Variants in LRRC7 observed in about 807,000 individuals in gnomAD.
LRRC7 encodes the protein leucine-rich repeat-containing protein 7.
A neutral mutation model predicts 175.7 loss-of-function variants in LRRC7; 23 were observed. The observed-to-expected ratio is 0.13, with a 90% CI of 0.09 to 0.19. The LOEUF is 0.19. LRRC7 is among the 10% of genes least tolerant of loss of function. The pLI is 1.00. For missense variants in LRRC7, 1,354 were observed against 1,904.7 expected (o/e 0.71, Z 5.38); for synonymous variants, 685 against 680.9 (o/e 1.01, Z -0.09).
chr1:69,756,120 G>A (rs537158112), intron 2 of LRRC7, among the ~76,000 whole-genome samples: 1 of 151,694 alleles, frequency 6.6e-6, no homozygotes, highest in Non-Finnish European at 1.5e-5. Context: ...GATGATTCAG[G>A]GAACAACATA....
chr1:69,977,057 C>G (rs976762981), intron 8 of LRRC7, among the ~76,000 whole-genome samples: 2 of 152,166 alleles, frequency 1.3e-5, no homozygotes, highest in Non-Finnish European at 2.9e-5. Flanking sequence ...CCCCAATACT[C>G]TGCATCTCCA....
intron 7 of LRRC7, among the ~76,000 whole-genome samples, chr1:69,857,850 A>G (rs1432095665): frequency 6.6e-6 from 1 of 152,202 alleles, no homozygotes; most frequent in East Asian, 1.9e-4. Context: ...ACGCTACCTG[A>G]CTTCAAACTC....
chr1:69,947,772 T>C (rs1024185821), intron 8 of LRRC7, among the ~76,000 whole-genome samples: 12 of 152,256 alleles, frequency 7.9e-5, no homozygotes, highest in African/African-American at 2.9e-4. Context: ...CAAACCTATA[T>C]ATACTATTTT....
At chr1:69,770,150 C>A (rs1672068220) in intron 3 of LRRC7, among the ~76,000 whole-genome samples, 1 of 152,104 alleles carries the variant, frequency 6.6e-6, no homozygotes. Flanking sequence ...TTCCTGCTGC[C>A]TCCACAATGT....
At chr1:69,750,266 C>G (rs1307906357) in intron 2 of LRRC7, among the ~76,000 whole-genome samples, 1 of 151,540 alleles carries the variant, frequency 6.6e-6, no homozygotes, top group Non-Finnish European at 1.5e-5. Context: ...AGTAGCACAG[C>G]AAGGAAACTC....
At chr1:69,768,520 A>T (rs1280410957) in intron 3 of LRRC7, among the ~76,000 whole-genome samples, 2 of 152,196 alleles carry the variant, frequency 1.3e-5, no homozygotes, top group Non-Finnish European at 2.9e-5. Context: ...ATACAACTTG[A>T]TTGTGTTAAC....
intron 4 of LRRC7, among the ~76,000 whole-genome samples, chr1:69,795,745 G>T (rs946778270): frequency 6.6e-6 from 1 of 151,912 alleles, no homozygotes; most frequent in African/African-American, 2.4e-5. Context: ...TGTTGATGTG[G>T]CCTCCTACCT....
chr1:69,669,368 T>C (rs1436781414), intron 1 of LRRC7, among the ~76,000 whole-genome samples: 1 of 152,198 alleles, frequency 6.6e-6, no homozygotes, highest in Non-Finnish European at 1.5e-5. Context: ...ATATTTTTCC[T>C]TCAGCACTTT....
intron 25 of LRRC7, 90 bp from the exon 26 acceptor site, chr1:70,107,662 T>C (rs1665237227): frequency 1.1e-6 from 1 of 928,938 alleles, no homozygotes; most frequent in South Asian, 1.4e-5. Flanking sequence ...CTGGATCTGT[T>C]TTCACTGTTT....
At chr1:70,002,263 A>C (rs983659880) in intron 11 of LRRC7, among the ~76,000 whole-genome samples, 62 of 152,200 alleles carry the variant, frequency 4.1e-4, no homozygotes, top group African/African-American at 1.4e-3. Context: ...GTCTATGCAA[A>C]GCTAGATAAA....
intron 15 of LRRC7, among the ~76,000 whole-genome samples, chr1:70,019,545 G>A (rs886438177): frequency 6.6e-6 from 1 of 151,924 alleles, no homozygotes; most frequent in Non-Finnish European, 1.5e-5. Flanking sequence ...TCCAGCCATG[G>A]ATTAAATCTA....
chr1:69,889,821 G>C (rs184119427), intron 7 of LRRC7, among the ~76,000 whole-genome samples: 1 of 150,586 alleles, frequency 6.6e-6, no homozygotes, highest in Non-Finnish European at 1.5e-5. Context: ...AGAGTAAGGA[G>C]ATAGAGAAGA....
intron 7 of LRRC7, among the ~76,000 whole-genome samples, chr1:69,890,727 C>G (rs1252159684): frequency 6.6e-6 from 1 of 152,208 alleles, no homozygotes; most frequent in Non-Finnish European, 1.5e-5. Flanking sequence ...TAGCCACCTT[C>G]ATTAATTATC....
rs569969574 is a variant in LRRC7 at position 70,048,202 on chromosome 1, A to G, written c.4110+4108A>G. 1.7e-3 allele frequency among the ~76,000 whole-genome samples: 253 copies of G among 152,290 alleles called. 1 individual carries two copies. Among genetic ancestry groups the G allele is most frequent in the Non-Finnish European group, 3.0e-3 (201 of 68,004 alleles). On this transcript the variant is annotated intron_variant, in intron 22 of 26. Transcript: ENST00000651989. ...CATTTTTAATATCAAAATTAATGGT[A>G]GAATGGATAGATATTTCCACTGGGA...
At chr1:70,090,378 C>T (rs1340167016) in intron 25 of LRRC7, among the ~76,000 whole-genome samples, 2 of 152,064 alleles carry the variant, frequency 1.3e-5, no homozygotes, top group African/African-American at 4.8e-5. Context: ...AGGTCCTCCT[C>T]TCATACTTAC....
chr1:69,974,837 G>A (rs900407532), intron 8 of LRRC7, among the ~76,000 whole-genome samples: 10 of 152,002 alleles, frequency 6.6e-5, no homozygotes, highest in Non-Finnish European at 4.4e-5. Context: ...ACTTTATTGG[G>A]TATTTGTGAT....
intron 4 of LRRC7, among the ~76,000 whole-genome samples, chr1:69,818,594 T>C (rs1678873292): frequency 6.6e-6 from 1 of 152,090 alleles, no homozygotes; most frequent in African/African-American, 2.4e-5. Flanking sequence ...GTTTCTTGTC[T>C]GGGTTTGGTG....
At chr1:69,897,655 A>T (rs1646017410) in intron 7 of LRRC7, among the ~76,000 whole-genome samples, 1 of 152,142 alleles carries the variant, frequency 6.6e-6, no homozygotes. Flanking sequence ...TGTGGTGCTA[A>T]GTACAAAGGG....
chr1:69,958,155 G>A (rs1650692435), intron 8 of LRRC7, among the ~76,000 whole-genome samples: 1 of 151,842 alleles, frequency 6.6e-6, no homozygotes. Flanking sequence ...AATATTTGCA[G>A]CCATAAAATT....
Sources: allele counts gnomAD v4.1 joint callset (sites outside exome capture counted in the v4.1 genomes callset), GRCh38; gene constraint gnomAD v4.1.1; transcripts MANE v1.5; gene names NCBI Gene and HGNC (gene_info 2026-07-23, HGNC 2026-07-21).